Variants in MYH2 observed in about 807,000 individuals in gnomAD.
The protein encoded by MYH2 is myosin-2.
MYH2 carries 139 observed loss-of-function variants against 228.1 expected under a neutral mutation model. That is an observed-to-expected ratio of 0.61 (90% CI 0.53 to 0.70). MYH2 has a LOEUF of 0.70. Ranked by LOEUF, MYH2 falls within the 30% of genes least tolerant of loss-of-function variation. MYH2 has a pLI of 0.00. For missense variants in MYH2, 1,809 were observed against 2,357.5 expected, an observed-to-expected ratio of 0.77 and a Z score of 4.82; for synonymous variants, 796 against 871.1, an observed-to-expected ratio of 0.91 and a Z score of 1.52.
Position 10,533,304 on chromosome 17 carries a change from G to A in MYH2, c.2422C>T (p.Gln808Ter). The change falls in exon 21 of 40, where the codon CAG (glutamine) becomes TAG (stop). Residue 808 changes from glutamine to a stop codon, truncating the protein, a stop_gained. Coordinates refer to ENST00000245503, the MANE Select transcript of MYH2 (RefSeq NM_017534.6). LOFTEE classifies it high-confidence loss of function. ...CRGFLARVEY[Q>*]RMVERREAIF... ...TTATACCTTCTCTCCACCATCCTCT[G>A]GTACTCCACTCTTGCCAAGAACCCT... 1.9e-6 allele frequency: 3 copies of A among 1,614,134 alleles called. No individual in the cohort carries two copies. Among genetic ancestry groups the A allele is most frequent in the East Asian group, 2.2e-5 (1 of 44,894 alleles).
At chr17:10,532,846 C>G (rs1211774717) in intron 21 of MYH2, among the ~76,000 whole-genome samples, 2 of 152,144 alleles carry the variant, frequency 1.3e-5, no homozygotes, top group African/African-American at 2.4e-5. Flanking sequence ...AGATAAATGG[C>G]CCCTAATATT....
chr17:10,542,455 T>C (rs1399747864), intron 10 of MYH2, among the ~76,000 whole-genome samples: 1 of 152,184 alleles, frequency 6.6e-6, no homozygotes, highest in Non-Finnish European at 1.5e-5. Context: ...TATGCAACCA[T>C]TGGAAATAAT....
At position 10,524,563 on chromosome 17, in the gene MYH2, T is replaced by A. The variant is rs770623563; in HGVS notation, c.5078A>T (p.Glu1693Val). The A allele has an allele frequency of 6.2e-7, 1 of 1,614,224 alleles. No individual in the cohort carries two copies. Among genetic ancestry groups the A allele is most frequent in the South Asian group, 1.1e-5 (1 of 91,080 alleles). ...TGTCTGTTCCAGAGTGGCCCGCAGC[T>A]CCTCGATCTCAGCCTGCAGCAGGTT... ...RANLLQAEIEELRATLEQTER... is the reference protein window; with the variant it reads ...RANLLQAEIEVLRATLEQTER... Residue 1693 changes from glutamate (E) to valine (V), a missense_variant, in exon 35 of 40, where the codon GAG becomes GTG. Transcript: ENST00000245503. This position sits in a 1 kb window ranked among gnomAD's most constrained non-coding sequence, Gnocchi z 4.7.
intron 10 of MYH2, among the ~76,000 whole-genome samples, chr17:10,542,565 T>C (rs577114159): frequency 1.4e-4 from 22 of 152,336 alleles, no homozygotes; most frequent in African/African-American, 4.8e-4. Context: ...ATTTCAGTTA[T>C]GAAAATTGTA....
In MYH2 at chr17:10,521,201, A is replaced by C; in HGVS notation, c.*79T>G. On this transcript the variant is annotated 3_prime_UTR_variant, in exon 40 of 40. Coordinates refer to ENST00000245503, the MANE Select transcript of MYH2 (RefSeq NM_017534.6). ...TTTCCTTTGCAACAGGGTAGAATAC[A>C]CAATAATTACAGAGGGAAATGACCA... 1 of 1,532,930 alleles carries C rather than the reference A, an allele frequency of 6.5e-7. No homozygotes were observed. The highest frequency in any genetic ancestry group is 9.0e-7 in the Non-Finnish European group (1 of 1,108,302). The allele number at this position is 1,532,930 out of a possible 1,614,324, so 95.0% of individuals were successfully genotyped here. A position where few individuals can be genotyped will look rare whatever the true frequency, so the allele number is the denominator to read the frequency against.
chr17:10,540,760 C>G, intron 10 of MYH2, 63 bp from the exon 11 acceptor site: 1 of 1,425,562 alleles, frequency 7.0e-7, no homozygotes, highest in Non-Finnish European at 9.8e-7. Flanking sequence ...CAAGAGATTT[C>G]TAGACAAATT....
Position 10,527,770 on chromosome 17 carries a change from C to T in MYH2, c.3849G>A (p.Arg1283=), listed in dbSNP as rs1349060342. The T allele has an allele frequency of 6.2e-7, 1 of 1,614,094 alleles. No individual in the cohort carries two copies. The highest frequency in any genetic ancestry group is 8.5e-7 in the Non-Finnish European group (1 of 1,180,022). The change falls in exon 28 of 40, where the codon AGG becomes AGA. Residue 1283 remains arginine, a synonymous_variant. Transcript: ENST00000245503. ...TACCAGATTCAGTCTGCAGGCGCCC[C>T]CTCTGCGCAGTCAGGTCATTGATCA... ...QRLINDLTAQ[R]GRLQTESGEF...
Position 10,525,131 on chromosome 17 carries a change from A to G in MYH2, c.4663-66T>C, listed in dbSNP as rs1276797832. On this transcript the variant is annotated intron_variant, in intron 33 of 39. Transcript: ENST00000245503. This position sits in a 1 kb window ranked among gnomAD's most constrained non-coding sequence, Gnocchi z 4.2. ...GCTTTATGAAGTTTTTCTGCACAGC[A>G]ATAATTTTGTGCTATGTGTCTTTTT... The G allele has an allele frequency of 6.2e-7, 1 of 1,613,868 alleles. No individual in the cohort carries two copies. The highest frequency in any genetic ancestry group is 1.7e-5 in the Admixed American group (1 of 60,010).
At chr17:10,531,534 A>AGT in intron 22 of MYH2, 99 bp downstream of exon 22, 4 of 1,523,972 alleles carry the variant, frequency 2.6e-6, no homozygotes, top group Non-Finnish European at 3.6e-6. Context: ...CCTTCCAATG[A>AGT]GTGTCTCCCT....
chr17:10,527,844 C>G lies in MYH2; in HGVS notation c.3775G>C (p.Glu1259Gln), dbSNP rs1481917316. Residue 1259 changes from glutamate to glutamine, a missense_variant, in exon 28 of 40, where the codon GAG becomes CAG. Transcript: ENST00000245503. ...GATTTCAGTTCACTCAGTTGGTCCT[C>G]TAGAGTCCGGCACATTTTCTCTAGG... ...GNLEKMCRTLEDQLSELKSKE... is the reference protein window; with the variant it reads ...GNLEKMCRTLQDQLSELKSKE... The G allele has an allele frequency of 2.5e-6, 4 of 1,613,850 alleles. No individual in the cohort carries two copies. In the East Asian group the frequency reaches 8.9e-5, roughly 36 times the overall value.
chr17:10,542,703 C>T (rs548303275), intron 10 of MYH2, among the ~76,000 whole-genome samples, 172 bp downstream of exon 10: 1 of 152,188 alleles, frequency 6.6e-6, no homozygotes, highest in East Asian at 1.9e-4. Context: ...CTTTTGATTT[C>T]CTTTGAATTT....
chr17:10,547,811 G>C lies in MYH2; in HGVS notation c.110C>G (p.Ser37Cys). The change falls in exon 3 of 40, where the codon TCT (serine) becomes TGT (cysteine). Residue 37 changes from serine to cysteine, a missense_variant. Ser to Cys is a moderately radical substitution (Grantham distance 112). Around this residue, in one of 9 missense-constraint regions of MYH2, gnomAD observed 84 missense variants for 81.8 expected, o/e 1.03. Transcript: ENST00000245503. The part of the protein sequence containing the change: ...AQNRPFDAKT[S>C]VFVAEPKESF... ...TTCTTTGGGCTCCGCCACAAAGACA[G>C]ATGTTTTGGCATCAAAGGGCCTATT... 6.2e-7 allele frequency: 1 copy of C among 1,614,206 alleles called. No homozygotes were observed. Among genetic ancestry groups the C allele is most frequent in the African/African-American group, 1.3e-5 (1 of 75,062 alleles).
chr17:10,530,077 TA>T lies in MYH2; in HGVS notation c.2698-4del. ...GCATCAGCCAAGCCTTCGGCTTCCT[TA>T]AGTTGGAAACAAGATCAAAATTGGG... On this transcript the variant is annotated splice_region_variant and splice_polypyrimidine_tract_variant and intron_variant, in intron 22 of 39. Coordinates refer to ENST00000245503, the MANE Select transcript of MYH2 (RefSeq NM_017534.6). 6.2e-7 allele frequency: 1 copy of T among 1,614,260 alleles called. No individual in the cohort carries two copies. Among genetic ancestry groups the T allele is most frequent in the East Asian group, 2.2e-5 (1 of 44,884 alleles).
rs762587430 is a variant in MYH2 at position 10,547,798 on chromosome 17, C to T, written c.123G>A (p.Ala41=). 1.2e-5 allele frequency: 19 copies of T among 1,614,050 alleles called. No homozygotes were observed. Among genetic ancestry groups the T allele is most frequent in the Middle Eastern group, 1.6e-4 (1 of 6,084 alleles). The part of the protein sequence containing the change: ...PFDAKTSVFV[A]EPKESFVKGT... Reference sequence around the variant, plus strand: ...CTTTGACAAAGGATTCTTTGGGCTCCGCCACAAAGACAGATGTTTTGGCAT... The same window carrying T: ...CTTTGACAAAGGATTCTTTGGGCTCTGCCACAAAGACAGATGTTTTGGCAT... Residue 41 remains alanine, a synonymous_variant, in exon 3 of 40, where the codon GCG becomes GCA. Coordinates refer to ENST00000245503, the MANE Select transcript of MYH2 (RefSeq NM_017534.6).
rs1489247777 is a variant in MYH2 at position 10,525,578 on chromosome 17, A to G, written c.4410T>C (p.His1470=). ...CCTTCTGGGAGGCCTCAAGCTCAGC[A>G]TGCGTTTCCTCACATTTCTGTTTCC... is the stretch of plus-strand genomic sequence containing the variant. ...AEWKQKCEET[H]AELEASQKEA... is the part of the protein sequence containing the mutation. Residue 1470 remains histidine, a synonymous_variant, in exon 32 of 40, where the codon CAT becomes CAC. Coordinates refer to ENST00000245503, the MANE Select transcript of MYH2 (RefSeq NM_017534.6). The surrounding 1 kb of genome is among the most constrained non-coding windows in gnomAD (Gnocchi z 4.2). The G allele has an allele frequency of 1.2e-6, 2 of 1,614,106 alleles. No homozygotes were observed.
intron 4 of MYH2, among the ~76,000 whole-genome samples, 156 bp downstream of exon 4, chr17:10,547,319 G>A (rs936312939): frequency 6.6e-6 from 1 of 152,140 alleles, no homozygotes; most frequent in Admixed American, 6.5e-5. Context: ...CTGTTGAGCT[G>A]TGCTTTACGA....
At chr17:10,527,469 A>T (rs1264127163) in intron 28 of MYH2, among the ~76,000 whole-genome samples, 2 of 152,198 alleles carry the variant, frequency 1.3e-5, no homozygotes, top group African/African-American at 2.4e-5. Context: ...CCTGAAAGAG[A>T]AGCCCTGAAC....
chr17:10,532,298 A>G (rs987564208), intron 21 of MYH2, among the ~76,000 whole-genome samples: 3 of 152,190 alleles, frequency 2.0e-5, no homozygotes, highest in African/African-American at 4.8e-5. Flanking sequence ...TTGCTACTAA[A>G]ACACCACTAA....
intron 10 of MYH2, among the ~76,000 whole-genome samples, chr17:10,542,132 G>A (rs966501874): frequency 6.6e-6 from 1 of 152,142 alleles, no homozygotes; most frequent in Non-Finnish European, 1.5e-5. Flanking sequence ...TATTAGCCAG[G>A]CATGGTGGCG....
Sources: gnomAD v4.1 joint callset for allele counts (sites outside exome capture counted in the v4.1 genomes callset) on GRCh38, gnomAD v4.1.1 for gene constraint, gnomAD v4.1.1 regional missense constraint, Gnocchi (gnomAD v3.1) non-coding constraint, MANE v1.5 for transcripts, NCBI Gene and HGNC (gene_info 2026-07-23, HGNC 2026-07-21) for gene names.